The following ALPK1 variants were observed in gnomAD, a reference collection of about 807,000 sequenced individuals.
ALPK1 encodes alpha kinase 1.
In ALPK1, 110 loss-of-function variants were observed where a neutral mutation model predicts 120.6. That is an observed-to-expected ratio of 0.91 (90% CI 0.78 to 1.07). The LOEUF is 1.07. Ranked by LOEUF, ALPK1 falls within the 50% of genes least tolerant of loss-of-function variation. The pLI, the probability that ALPK1 is intolerant of heterozygous loss-of-function variation, is 0.00. For missense variants in ALPK1, 1,498 were observed against 1,483.9 expected (o/e 1.01, Z -0.16); for synonymous variants, 582 against 560.3 (o/e 1.04, Z -0.55).
At chr4:112,344,297 T>C (rs1202515612) in intron 2 of ALPK1, among the ~76,000 whole-genome samples, 1 of 152,212 alleles carries the variant, frequency 6.6e-6, no homozygotes, top group Non-Finnish European at 1.5e-5. Context: ...CGTTCCAGCC[T>C]GAACTGCTGC....
At chr4:112,389,647 G>A (rs891761481) in intron 4 of ALPK1, among the ~76,000 whole-genome samples, 7 of 152,192 alleles carry the variant, frequency 4.6e-5, no homozygotes, top group Non-Finnish European at 8.8e-5. Flanking sequence ...TTGGACAGAC[G>A]GGGTGGGCAC....
At chr4:112,324,802 G>T (rs749927507) in intron 2 of ALPK1, among the ~76,000 whole-genome samples, 9 of 152,098 alleles carry the variant, frequency 5.9e-5, no homozygotes, top group Non-Finnish European at 1.3e-4. Context: ...GACATACACT[G>T]CAAGAACTTG....
At chr4:112,426,264 C>A in intron 7 of ALPK1, 1 of 369,002 alleles carries the variant, frequency 2.7e-6, no homozygotes, top group South Asian at 8.2e-5. Flanking sequence ...TATAATAATT[C>A]TGTTTCCCAG....
intron 2 of ALPK1, among the ~76,000 whole-genome samples, chr4:112,377,433 C>T (rs1224211597): frequency 6.6e-6 from 1 of 152,198 alleles, no homozygotes; most frequent in Non-Finnish European, 1.5e-5. Flanking sequence ...TGTAACTCCA[C>T]TGACGTCACT....
chr4:112,309,381 T>C (rs1728289268), intron 1 of ALPK1, among the ~76,000 whole-genome samples: 1 of 152,174 alleles, frequency 6.6e-6, no homozygotes, highest in Non-Finnish European at 1.5e-5. Context: ...CTCCTTGAGC[T>C]ACGGTGGGCT....
At position 112,429,030 on chromosome 4, in the gene ALPK1, G is replaced by C. The variant is rs529908462; in HGVS notation, c.796-119G>C. The C allele has an allele frequency of 3.2e-5, 27 of 843,302 alleles. 2 individuals carry two copies. In the South Asian group the frequency reaches 3.4e-4, roughly 11 times the overall value. 52.2% of individuals were successfully genotyped at this position (843,302 alleles called of 1,614,324 possible). A position where few individuals can be genotyped will look rare whatever the true frequency, so the allele number is the denominator to read the frequency against. ...ACTCTTTCTTTACACTGTTCTGAAC[G>C]GGTTGCGGTGAGGAGTCCCTTGAAA... On this transcript the variant is annotated intron_variant, in intron 9 of 15. Transcript: ENST00000650871.
At chr4:112,423,647 A>ATTC (rs1240436044) in intron 5 of ALPK1, 5 of 512,642 alleles carry the variant, frequency 9.8e-6, no homozygotes, top group Non-Finnish European at 1.9e-5. Context: ...AGCCTGTTAG[A>ATTC]AAAGTTTGCC....
chr4:112,400,301 C>A (rs1486013880), intron 4 of ALPK1, among the ~76,000 whole-genome samples: 1 of 152,150 alleles, frequency 6.6e-6, no homozygotes, highest in Non-Finnish European at 1.5e-5. Context: ...TGGTATCACA[C>A]TTACCAGAGA....
intron 4 of ALPK1, among the ~76,000 whole-genome samples, chr4:112,400,296 T>A (rs1294685655): frequency 6.6e-6 from 1 of 152,184 alleles, no homozygotes; most frequent in Non-Finnish European, 1.5e-5. Context: ...GATATTGGTA[T>A]CACACTTACC....
intron 2 of ALPK1, among the ~76,000 whole-genome samples, chr4:112,369,163 T>C (rs1859141): frequency 0.031 from 4,708 of 152,340 alleles, 129 homozygotes; most frequent in South Asian, 0.12. Flanking sequence ...ATGCTAGAAA[T>C]AGAAGTCTAC....
chr4:112,339,261 G>A (rs1469597349), intron 2 of ALPK1, among the ~76,000 whole-genome samples: 2 of 152,214 alleles, frequency 1.3e-5, no homozygotes, highest in Non-Finnish European at 2.9e-5. Flanking sequence ...GGGATAATAT[G>A]ATGAGGTTCC....
chr4:112,345,540 A>G (rs1403949397), intron 2 of ALPK1, among the ~76,000 whole-genome samples: 1 of 152,240 alleles, frequency 6.6e-6, no homozygotes, highest in Non-Finnish European at 1.5e-5. Context: ...TTGGTTATCT[A>G]AACCAGGGAA....
At chr4:112,308,914 A>T (rs1728257526) in intron 1 of ALPK1, among the ~76,000 whole-genome samples, 2 of 151,460 alleles carry the variant, frequency 1.3e-5, no homozygotes, top group African/African-American at 4.9e-5. Context: ...GGTGACGTAC[A>T]GATGGGGTTT....
rs377063660 is a variant in ALPK1 at position 112,431,357 on chromosome 4, G to T, written c.1810G>T (p.Asp604Tyr). 4.0e-5 allele frequency: 65 copies of T among 1,614,078 alleles called. No homozygotes were observed. Among genetic ancestry groups the T allele is most frequent in the Non-Finnish European group, 5.5e-5 (65 of 1,180,052 alleles). ...GGAGGAAGTGAATTATCACGTTGAC[G>T]ACAGGTCAGCCAGAAAAGAGCCTGG... ...SWEEVNYHVD[D>Y]RSARKEPGKE... The change falls in exon 11 of 16, where the codon GAC (aspartate) becomes TAC (tyrosine). Residue 604 changes from aspartate (D) to tyrosine (Y), a missense_variant. By Grantham distance (160) the Asp-to-Tyr change is radical. Transcript: ENST00000650871.
intron 1 of ALPK1, among the ~76,000 whole-genome samples, chr4:112,305,937 TATTG>T: frequency 1.3e-5 from 2 of 152,228 alleles, no homozygotes; most frequent in South Asian, 4.1e-4. Context: ...ATACCTAATT[TATTG>T]AGAGTTTTTA....
chr4:112,346,059 C>A (rs1399781284), intron 2 of ALPK1, among the ~76,000 whole-genome samples: 1 of 152,156 alleles, frequency 6.6e-6, no homozygotes, highest in African/African-American at 2.4e-5. Context: ...GATGGGGTTT[C>A]TCCATGTTGA....
chr4:112,426,294 A>G lies in ALPK1; in HGVS notation c.623-173A>G, dbSNP rs1252995475. The G allele has an allele frequency of 1.7e-5, 7 of 420,300 alleles. No homozygotes were observed. In the Middle Eastern group the frequency reaches 2.2e-3, roughly 131 times the overall value. 26.0% of individuals were successfully genotyped at this position (420,300 alleles called of 1,614,324 possible). On this transcript the variant is annotated intron_variant, in intron 7 of 15. Coordinates refer to ENST00000650871, the MANE Select transcript of ALPK1 (RefSeq NM_025144.4). ...TCCCAGTGAAATGGAAAAATTGTCT[A>G]TATTACAACTGGAAAAACATTGCTG... is the stretch of plus-strand genomic sequence containing the variant.
Position 112,431,431 on chromosome 4 carries a change from G to T in ALPK1, c.1884G>T (p.Glu628Asp), listed in dbSNP as rs1005852730. The T allele has an allele frequency of 6.2e-7, 1 of 1,614,254 alleles. No homozygotes were observed. Residue 628 changes from glutamate (E) to aspartate (D), a missense_variant, in exon 11 of 16, where the codon GAG (glutamate) becomes GAT (aspartate). Glu to Asp is a conservative substitution (Grantham distance 45). Transcript: ENST00000650871. ...AGTGTTCCACTGCCTTGTCTGAGGAGCTAGAGAATGACAGGGAAGGCAGAG... is the reference window on the plus strand; with the variant it reads ...AGTGTTCCACTGCCTTGTCTGAGGATCTAGAGAATGACAGGGAAGGCAGAG... ...DTQCSTALSE[E>D]LENDREGRAM... is the part of the protein sequence containing the mutation.
At chr4:112,354,177 T>C (rs905663366) in intron 2 of ALPK1, among the ~76,000 whole-genome samples, 6 of 152,180 alleles carry the variant, frequency 3.9e-5, no homozygotes, top group Non-Finnish European at 8.8e-5. Flanking sequence ...TTTTTTATGG[T>C]GTCATTTTAC....
Sources: allele counts gnomAD v4.1 joint callset (sites outside exome capture counted in the v4.1 genomes callset), GRCh38; gene constraint gnomAD v4.1.1; transcripts MANE v1.5; gene names NCBI Gene and HGNC (gene_info 2026-07-23, HGNC 2026-07-21).